The following ANK3 variants were observed in gnomAD, a reference collection of about 807,000 sequenced individuals.
ANK3 encodes ankyrin-3.
ANK3 carries 57 observed loss-of-function variants against 370.9 expected under a neutral mutation model. That is an observed-to-expected ratio of 0.15 (90% CI 0.12 to 0.19). The LOEUF (loss-of-function observed/expected upper bound fraction) is 0.19, where lower values mean the gene tolerates loss of function less well. ANK3 is among the 10% of genes least tolerant of loss of function. ANK3 has a pLI of 1.00. For missense variants in ANK3, 4,439 were observed against 5,302.1 expected (o/e 0.84, Z 5.06); for synonymous variants, 1,929 against 1,946.3 (o/e 0.99, Z 0.23).
chr10:60,551,547 G>T (rs1222000798), intron 2 of ANK3, among the ~76,000 whole-genome samples: 2 of 152,058 alleles, frequency 1.3e-5, no homozygotes, highest in Non-Finnish European at 2.9e-5. Context: ...TTATTTCTGA[G>T]CTTTGAATTT....
intron 18 of ANK3, among the ~76,000 whole-genome samples, chr10:60,180,839 G>C (rs997488555): frequency 6.6e-6 from 1 of 151,816 alleles, no homozygotes; most frequent in Non-Finnish European, 1.5e-5. Flanking sequence ...GAGCTTTCTC[G>C]TCTGAGAGAG....
chr10:60,033,476 T>C (rs1044566796), intron 43 of ANK3, among the ~76,000 whole-genome samples: 1 of 114,716 alleles, frequency 8.7e-6, no homozygotes, highest in Non-Finnish European at 1.6e-5. Context: ...AATCGGGCCA[T>C]CACACTCCAG....
chr10:60,171,427 T>G (rs994408143), intron 21 of ANK3, among the ~76,000 whole-genome samples: 1 of 152,206 alleles, frequency 6.6e-6, no homozygotes, highest in Non-Finnish European at 1.5e-5. Context: ...GTATACAAAC[T>G]AATTTGCAGA....
chr10:60,193,752 T>TGTAAGGA (rs2096537127), intron 16 of ANK3, among the ~76,000 whole-genome samples: 1 of 152,184 alleles, frequency 6.6e-6, no homozygotes, highest in Non-Finnish European at 1.5e-5. Flanking sequence ...ATTTTTATTC[T>TGTAAGGA]CATCCAAGGA....
intron 2 of ANK3, among the ~76,000 whole-genome samples, chr10:60,502,195 A>G (rs1284710941): frequency 6.6e-6 from 1 of 152,244 alleles, no homozygotes; most frequent in Non-Finnish European, 1.5e-5. Flanking sequence ...TACTAGAGCT[A>G]CAGGGACAGT....
rs539169566 is a variant in ANK3 at position 60,403,635 on chromosome 10, C to T, written c.97-123996G>A. ...TGGAGTCTTGCTCTGTCGCCCAGGCCGGAGTGCAGCGGCGCGATCTCGGCT... is the reference window on the plus strand; with the variant it reads ...TGGAGTCTTGCTCTGTCGCCCAGGCTGGAGTGCAGCGGCGCGATCTCGGCT... On this transcript the variant is annotated intron_variant, in intron 2 of 43. Coordinates refer to the ANK3 transcript ENST00000373827. Among the ~76,000 whole-genome samples, 14 of 152,078 alleles carry T rather than the reference C, an allele frequency of 9.2e-5. No individual in the cohort carries two copies. In the South Asian group the frequency reaches 2.5e-3, roughly 27 times the overall value.
At chr10:60,260,698 T>C (rs1163302611) in intron 7 of ANK3, among the ~76,000 whole-genome samples, 1 of 152,138 alleles carries the variant, frequency 6.6e-6, no homozygotes, top group Non-Finnish European at 1.5e-5. Flanking sequence ...TCATGAGACC[T>C]GGTCATTTAA....
chr10:60,674,234 G>A (rs528898236), intron 1 of ANK3, among the ~76,000 whole-genome samples: 19 of 152,088 alleles, frequency 1.2e-4, no homozygotes, highest in East Asian at 1.2e-3. Context: ...TAAATGTGTC[G>A]TATTAGTCTA....
At chr10:60,642,395 A>G (rs375051648) in intron 1 of ANK3, among the ~76,000 whole-genome samples, 6,747 of 152,034 alleles carry the variant, frequency 0.044, 180 homozygotes, top group Middle Eastern at 0.075. Context: ...ATGTCCAACA[A>G]TGATAGACTG....
At position 60,289,403 on chromosome 10, in the gene ANK3, TCTCC is replaced by T. The variant is rs199679787; in HGVS notation, c.115-9768_115-9765del. ...TCTCCCCTCCCCCTTTCTCTTTCTC[TCTCC>T]CTCCCTCCTTCTTTCTTTTTTTGAG... On this transcript the variant is annotated intron_variant, in intron 1 of 43. Coordinates refer to ENST00000280772, the MANE Select transcript of ANK3 (RefSeq NM_020987.5). Among the ~76,000 whole-genome samples the T allele has an allele frequency of 5.2e-3, 787 of 151,434 alleles. 4 individuals carry two copies. The highest frequency in any genetic ancestry group is 9.8e-3 in the South Asian group (47 of 4,778).
At chr10:60,314,533 GT>G (rs1215696280) in intron 1 of ANK3, among the ~76,000 whole-genome samples, 11 of 152,172 alleles carry the variant, frequency 7.2e-5, no homozygotes, top group African/African-American at 2.7e-4. Context: ...GGGAATCTGT[GT>G]TATATGAGTA....
chr10:60,144,345 C>G (rs1226652650), intron 23 of ANK3: 1 of 288,678 alleles, frequency 3.5e-6, no homozygotes, highest in Non-Finnish European at 6.7e-6. Flanking sequence ...TGTGCATACA[C>G]AAAGCCCAGG....
At chr10:60,481,574 T>C (rs530781646) in intron 2 of ANK3, among the ~76,000 whole-genome samples, 24 of 152,288 alleles carry the variant, frequency 1.6e-4, no homozygotes, top group African/African-American at 5.1e-4. Flanking sequence ...GCAATTCTCC[T>C]GCCTCAGCCT....
chr10:60,376,356 G>A (rs2060771162), intron 1 of ANK3, among the ~76,000 whole-genome samples: 1 of 152,192 alleles, frequency 6.6e-6, no homozygotes, highest in Non-Finnish European at 1.5e-5. Flanking sequence ...ATGAACATGA[G>A]TACCCTCCTT....
At chr10:60,331,265 T>TA (rs5785437) in intron 1 of ANK3, among the ~76,000 whole-genome samples, 3,627 of 151,476 alleles carry the variant, frequency 0.024, 64 homozygotes, top group Non-Finnish European at 0.037. Flanking sequence ...TAAAGTATAA[T>TA]AAAAAAAAAT....
chr10:60,429,232 A>C (rs1267951472), intron 2 of ANK3, among the ~76,000 whole-genome samples: 3 of 152,178 alleles, frequency 2.0e-5, no homozygotes, highest in African/African-American at 7.2e-5. Context: ...TGAGTCACTT[A>C]TAAATAACAC....
intron 42 of ANK3, among the ~76,000 whole-genome samples, chr10:60,045,572 T>G (rs1450391015): frequency 1.3e-5 from 2 of 152,240 alleles, no homozygotes; most frequent in Non-Finnish European, 2.9e-5. Context: ...TGGACTAGTA[T>G]TCCAGGGTCC....
chr10:60,442,780 A>T (rs2064332267), intron 2 of ANK3, among the ~76,000 whole-genome samples: 1 of 152,240 alleles, frequency 6.6e-6, no homozygotes, highest in South Asian at 2.1e-4. Flanking sequence ...TACATAGATT[A>T]TAGCATTTGA....
chr10:60,336,353 T>C (rs1432500593), intron 1 of ANK3, among the ~76,000 whole-genome samples: 1 of 152,150 alleles, frequency 6.6e-6, no homozygotes, highest in Non-Finnish European at 1.5e-5. Flanking sequence ...TTTCACTTTC[T>C]CATAACGTAC....
Sources: gnomAD v4.1 joint callset for allele counts (sites outside exome capture counted in the v4.1 genomes callset) on GRCh38, gnomAD v4.1.1 for gene constraint, MANE v1.5 for transcripts, NCBI Gene and HGNC (gene_info 2026-07-23, HGNC 2026-07-21) for gene names.